Variants in TCF4 observed in about 807,000 individuals in gnomAD.
TCF4 encodes transcription factor 4.
TCF4 carries 3 observed loss-of-function variants against 82.1 expected under a neutral mutation model. The ratio of observed to expected loss-of-function variants is 0.04; its 90% CI spans 0.02 to 0.09. The LOEUF (loss-of-function observed/expected upper bound fraction) is 0.09, where lower values mean the gene tolerates loss of function less well. Ranked by LOEUF, TCF4 falls within the 10% of genes least tolerant of loss-of-function variation. TCF4 has a pLI of 1.00. For missense variants in TCF4, 518 were observed against 852.7 expected (o/e 0.61, Z 4.89); for synonymous variants, 276 against 309.6 (o/e 0.89, Z 1.14).
intron 5 of TCF4, among the ~76,000 whole-genome samples, chr18:55,431,039 G>A (rs1457642407): frequency 6.6e-6 from 1 of 152,142 alleles, no homozygotes; most frequent in Non-Finnish European, 1.5e-5. Context: ...ATAGAGTTAT[G>A]AAAAGAAAGG....
chr18:55,280,424 T>A (rs1045095690), intron 8 of TCF4, among the ~76,000 whole-genome samples: 87 of 152,200 alleles, frequency 5.7e-4, no homozygotes, highest in African/African-American at 1.9e-3. Context: ...ACAAATAGCC[T>A]GTGTATTTTC....
At chr18:55,565,004 G>A (rs2147393950) in intron 3 of TCF4, among the ~76,000 whole-genome samples, 1 of 152,246 alleles carries the variant, frequency 6.6e-6, no homozygotes, top group Non-Finnish European at 1.5e-5. Context: ...AGAAAGCCCA[G>A]GTAAGATCCC....
At chr18:55,519,568 T>C (rs2096916292) in intron 3 of TCF4, among the ~76,000 whole-genome samples, 1 of 152,056 alleles carries the variant, frequency 6.6e-6, no homozygotes. Flanking sequence ...TTGAGAAATA[T>C]AATAAAAATA....
intron 1 of TCF4, chr18:55,631,453 G>A (rs1004681805): frequency 1.9e-5 from 28 of 1,494,826 alleles, no homozygotes; most frequent in Non-Finnish European, 1.9e-5. Flanking sequence ...TTAGAAGATG[G>A]TACTGGTAGT....
chr18:55,325,402 C>T (rs147694940), intron 8 of TCF4, among the ~76,000 whole-genome samples: 2 of 152,256 alleles, frequency 1.3e-5, no homozygotes, highest in African/African-American at 2.4e-5. Flanking sequence ...ACTATCCACT[C>T]GACCACAGAG....
In TCF4 at chr18:55,401,544, C is replaced by T. The variant is rs1416622014; in HGVS notation, c.369+1910G>A. ...CAGCCATCACATGCCAATCCATCCA[C>T]CTCTCTTCCACCCTCTGCCCCTTTC... On this transcript the variant is annotated intron_variant, in intron 6 of 19. Coordinates refer to ENST00000354452, the MANE Select transcript of TCF4 (RefSeq NM_001083962.2). 3.0e-6 allele frequency: 3 copies of T among 989,674 alleles called. No individual in the cohort carries two copies. The South Asian group carries it at 1.4e-4, about 46-fold the overall frequency. The allele number at this position is 989,674 out of a possible 1,614,324, so 61.3% of individuals were successfully genotyped here.
At chr18:55,552,864 T>C (rs2097272277) in intron 3 of TCF4, among the ~76,000 whole-genome samples, 1 of 152,192 alleles carries the variant, frequency 6.6e-6, no homozygotes, top group South Asian at 2.1e-4. Flanking sequence ...TCATTAGACA[T>C]TTAAATCAGA....
intron 6 of TCF4, among the ~76,000 whole-genome samples, chr18:55,384,742 G>GA (rs145666346): frequency 0.031 from 4,656 of 152,120 alleles, 227 homozygotes; most frequent in African/African-American, 0.11. Flanking sequence ...GCCACCAGGG[G>GA]GCACTTTGGG....
chr18:55,247,753 T>C (rs749663001), intron 15 of TCF4, among the ~76,000 whole-genome samples: 3 of 152,320 alleles, frequency 2.0e-5, no homozygotes, highest in South Asian at 2.1e-4. Context: ...TATTTGAAGA[T>C]AGTGATGTTT....
At chr18:55,620,376 A>G (rs1293029096) in intron 2 of TCF4, among the ~76,000 whole-genome samples, 1 of 152,190 alleles carries the variant, frequency 6.6e-6, no homozygotes, top group African/African-American at 2.4e-5. Context: ...TACTCTGCCC[A>G]TCGTCCTCTA....
At chr18:55,543,893 T>C (rs984306773) in intron 3 of TCF4, among the ~76,000 whole-genome samples, 2 of 152,170 alleles carry the variant, frequency 1.3e-5, no homozygotes, top group African/African-American at 2.4e-5. Context: ...TTAATACATT[T>C]GAAATTTGGA....
At chr18:55,246,782 A>T (rs1052614016) in intron 15 of TCF4, among the ~76,000 whole-genome samples, 1 of 152,122 alleles carries the variant, frequency 6.6e-6, no homozygotes, top group African/African-American at 2.4e-5. Flanking sequence ...TGAGGTTGCT[A>T]ATCTGCTCTC....
intron 3 of TCF4, among the ~76,000 whole-genome samples, chr18:55,534,884 G>A (rs1159729609): frequency 1.3e-5 from 2 of 152,190 alleles, no homozygotes; most frequent in African/African-American, 4.8e-5. Context: ...CATGCCAATA[G>A]AATGACACAG....
chr18:55,445,426 G>A (rs964612693), intron 5 of TCF4, among the ~76,000 whole-genome samples: 1 of 152,156 alleles, frequency 6.6e-6, no homozygotes, highest in South Asian at 2.1e-4. Flanking sequence ...AATCATGGTG[G>A]AAGGCGAAGA....
intron 14 of TCF4, among the ~76,000 whole-genome samples, chr18:55,256,576 G>C (rs1276249562): frequency 6.6e-6 from 1 of 152,122 alleles, no homozygotes; most frequent in African/African-American, 2.4e-5. Context: ...AAAGCAGATA[G>C]ATAAATCTAT....
intron 11 of TCF4, 162 bp downstream of exon 11, chr18:55,269,669 C>T: frequency 1.1e-6 from 1 of 951,342 alleles, no homozygotes; most frequent in Non-Finnish European, 1.6e-6. Context: ...ATGCTCAAGC[C>T]AGTGATTTTA....
intron 6 of TCF4, among the ~76,000 whole-genome samples, chr18:55,394,564 G>A (rs559435072): frequency 3.9e-5 from 6 of 152,082 alleles, no homozygotes; most frequent in Non-Finnish European, 8.8e-5. Context: ...GTGAAGTGCC[G>A]GGCGAAAGTC....
intron 8 of TCF4, among the ~76,000 whole-genome samples, chr18:55,304,606 G>A (rs928315123): frequency 3.9e-5 from 6 of 152,034 alleles, no homozygotes; most frequent in East Asian, 1.9e-4. Context: ...CATATCACAC[G>A]AGGGCAGAAT....
At chr18:55,337,860 C>T (rs1389998508) in intron 8 of TCF4, among the ~76,000 whole-genome samples, 4 of 152,050 alleles carry the variant, frequency 2.6e-5, no homozygotes, top group South Asian at 2.1e-4. Flanking sequence ...TTTCATCCGA[C>T]GTCCGATGGC....
Sources: gnomAD v4.1 joint callset for allele counts (sites outside exome capture counted in the v4.1 genomes callset) on GRCh38, gnomAD v4.1.1 for gene constraint, MANE v1.5 for transcripts, NCBI Gene and HGNC (gene_info 2026-07-23, HGNC 2026-07-21) for gene names.